Variants in LAT2 observed in about 807,000 individuals in gnomAD.
LAT2 encodes linker for activation of T cells family member 2.
A neutral mutation model predicts 43.4 loss-of-function variants in LAT2; 23 were observed. That is an observed-to-expected ratio of 0.53 (90% CI 0.38 to 0.75). The LOEUF is 0.75. Among genes scored for constraint, LAT2 ranks in the 30% least tolerant of loss-of-function variants. The pLI, the probability that LAT2 is intolerant of heterozygous loss-of-function variation, is 0.00. For missense variants in LAT2, 284 were observed against 310.2 expected, an observed-to-expected ratio of 0.92 and a Z score of 0.64; for synonymous variants, 128 against 123.2, an observed-to-expected ratio of 1.04 and a Z score of -0.26.
intron 13 of LAT2, among the ~76,000 whole-genome samples, chr7:74,228,650 A>G (rs1343428627): frequency 6.9e-6 from 1 of 144,432 alleles, no homozygotes; most frequent in African/African-American, 2.6e-5. Flanking sequence ...AAAAAAAATT[A>G]GCTGGGCGTG....
intron 1 of LAT2, 39 bp from the exon 2 acceptor site, chr7:74,214,783 A>ATG (rs1483395291): frequency 3.5e-5 from 3 of 85,864 alleles, no homozygotes; most frequent in African/African-American, 5.6e-5. Context: ...ATAAATATAT[A>ATG]TATATATATT....
intron 13 of LAT2, chr7:74,226,466 G>A (rs1234474324): frequency 6.6e-6 from 1 of 152,572 alleles, no homozygotes; most frequent in Non-Finnish European, 1.5e-5. Flanking sequence ...ACTCAAGCCT[G>A]GGCAACAGAG....
At chr7:74,228,629 C>CG (rs1802582448) in intron 13 of LAT2, among the ~76,000 whole-genome samples, 1 of 78,070 alleles carries the variant, frequency 1.3e-5, no homozygotes, top group African/African-American at 4.7e-5. Context: ...ACTAAAAATA[C>CG]AAAAAAAAAA....
chr7:74,224,722 G>A lies in LAT2; in HGVS notation c.712G>A (p.Val238Met), dbSNP rs373272699. 1.3e-5 allele frequency: 21 copies of A among 1,601,792 alleles called. No homozygotes were observed. The highest frequency in any genetic ancestry group is 1.8e-5 in the Non-Finnish European group (21 of 1,174,516). Residue 238 changes from valine to methionine, a missense_variant, in exon 13 of 14, where the codon GTG becomes ATG. Physicochemically the swap from Val to Met is conservative, Grantham distance 21. Transcript: ENST00000460943. ...DGEPDYVNGEVAATEA is the reference protein window; with the variant it reads ...DGEPDYVNGEMAATEA ...GGAACCGGATTACGTGAATGGGGAG[G>A]TGGCAGCCACAGAAGCCTAGGGCAG...
intron 10 of LAT2, among the ~76,000 whole-genome samples, chr7:74,222,487 G>T (rs1251256099): frequency 6.6e-6 from 1 of 151,894 alleles, no homozygotes; most frequent in Non-Finnish European, 1.5e-5. Flanking sequence ...CCTGCGGTTT[G>T]AATCCAGCTC....
chr7:74,227,411 G>C (rs1554716273), intron 13 of LAT2, among the ~76,000 whole-genome samples: 3 of 151,912 alleles, frequency 2.0e-5, no homozygotes, highest in African/African-American at 7.3e-5. Context: ...GTAGAGATGG[G>C]GTTTCACCAT....
chr7:74,218,391 A>C (rs1370587658), intron 4 of LAT2, among the ~76,000 whole-genome samples: 5 of 152,176 alleles, frequency 3.3e-5, no homozygotes, highest in Admixed American at 1.3e-4. Context: ...TCTGGTTCAG[A>C]GGAGGAGCCC....
At chr7:74,224,960 T>A (rs1304155180) in intron 13 of LAT2, 200 bp downstream of exon 13, 1 of 453,166 alleles carries the variant, frequency 2.2e-6, no homozygotes, top group African/African-American at 2.0e-5. Context: ...AGGCAGGGAA[T>A]TCTGGTGACT....
chr7:74,226,775 C>G (rs574819600), intron 13 of LAT2, among the ~76,000 whole-genome samples: 24 of 152,266 alleles, frequency 1.6e-4, no homozygotes, highest in African/African-American at 5.8e-4. Context: ...GTGGGCAAGA[C>G]GCAGTGTTGC....
chr7:74,224,145 T>A lies in LAT2; in HGVS notation c.576T>A (p.Asp192Glu). 1 of 1,614,172 alleles carries A rather than the reference T, an allele frequency of 6.2e-7. No homozygotes were observed. The highest frequency in any genetic ancestry group is 8.5e-7 in the Non-Finnish European group (1 of 1,180,012). ...CGGAAGAAGATGAGGAATCTGAGGA[T>A]TATCAGAACTCAGCATCCATCCATC... ...ASPEEDEESE[D>E]YQNSASIHQW... Residue 192 changes from aspartate to glutamate, a missense_variant, in exon 12 of 14, where the codon GAT becomes GAA. Coordinates refer to ENST00000460943, the MANE Select transcript of LAT2 (RefSeq NM_032464.3).
intron 13 of LAT2, chr7:74,225,032 G>A (rs1802436289): frequency 1.4e-5 from 4 of 281,706 alleles, no homozygotes; most frequent in African/African-American, 2.3e-5. Flanking sequence ...TCCTGGCTGC[G>A]ACCTTGGACC....
intron 3 of LAT2, 70 bp downstream of exon 3, chr7:74,216,139 C>T (rs1238590084): frequency 3.8e-6 from 5 of 1,312,184 alleles, no homozygotes; most frequent in African/African-American, 2.9e-5. Context: ...CCTCTCAGGC[C>T]CAGACGTGGC....
chr7:74,228,692 G>A (rs1802585291), intron 13 of LAT2, among the ~76,000 whole-genome samples: 1 of 151,070 alleles, frequency 6.6e-6, no homozygotes, highest in South Asian at 2.1e-4. Flanking sequence ...GGGAGGCTGA[G>A]GCAGGAGAAT....
rs1249577249 is a variant in LAT2, at chr7:74,228,959, G to A, written c.*34G>A. 4 of 152,258 alleles carry A rather than the reference G, an allele frequency of 2.6e-5. No homozygotes were observed. The East Asian group carries it at 7.7e-4, about 29-fold the overall frequency. 9.4% of individuals were successfully genotyped at this position (152,258 alleles called of 1,614,324 possible). Reference sequence around the variant, plus strand: ...TTCATTTAAGGAGCCAAGGCAAAGAGGGACCACTGTGCTCATGGACCCATC... The same window carrying A: ...TTCATTTAAGGAGCCAAGGCAAAGAAGGACCACTGTGCTCATGGACCCATC... On this transcript the variant is annotated 3_prime_UTR_variant, in exon 14 of 14. Coordinates refer to ENST00000460943, the MANE Select transcript of LAT2 (RefSeq NM_032464.3).
At chr7:74,222,994 C>T (rs1802348068) in intron 10 of LAT2, among the ~76,000 whole-genome samples, 1 of 152,226 alleles carries the variant, frequency 6.6e-6, no homozygotes, top group Non-Finnish European at 1.5e-5. Context: ...AGGTGCCATA[C>T]TCAGCCTGGG....
Position 74,224,042 on chromosome 7 carries a change from G to A in LAT2, c.473G>A (p.Gly158Asp). 1 of 1,614,090 alleles carries A rather than the reference G, an allele frequency of 6.2e-7. No individual in the cohort carries two copies. The highest frequency in any genetic ancestry group is 8.5e-7 in the Non-Finnish European group (1 of 1,179,994). Residue 158 changes from glycine (G) to aspartate (D), a missense_variant, in exon 12 of 14, where the codon GGC becomes GAC. Physicochemically the swap from Gly to Asp is moderately conservative, Grantham distance 94. Transcript: ENST00000460943. ...ETGAQQEGIG[G>D]LCRGDLSLSL... The stretch of plus-strand genomic sequence containing the variant: ...GGTGCCCAGCAGGAGGGCATAGGTG[G>A]CCTCTGCAGAGGGGACCTCAGCCTG...
At chr7:74,219,273 C>T (rs2116145637) in intron 4 of LAT2, among the ~76,000 whole-genome samples, 1 of 152,168 alleles carries the variant, frequency 6.6e-6, no homozygotes, top group South Asian at 2.1e-4. Context: ...CTCCCTGGGA[C>T]CAGCAGGTGG....
In LAT2 at chr7:74,224,213, A is replaced by T. The variant is rs782686414; in HGVS notation, c.628+16A>T. The T allele has an allele frequency of 1.9e-6, 3 of 1,610,154 alleles. No homozygotes were observed. The highest frequency in any genetic ancestry group is 1.7e-6 in the Non-Finnish European group (2 of 1,179,710). On this transcript the variant is annotated intron_variant, in intron 12 of 13. Transcript: ENST00000460943. Reference sequence around the variant, plus strand: ...AAGGTCATGGGTAGGTGGCCGGGAGAAGAGGCAGGGTGGTCCACTTAGGGC... The same window carrying T: ...AAGGTCATGGGTAGGTGGCCGGGAGTAGAGGCAGGGTGGTCCACTTAGGGC...
At chr7:74,214,704 TATATAAATATATATAAAA>T (rs1201742840) in intron 1 of LAT2, 100 bp from the exon 2 acceptor site, 4 of 99,926 alleles carry the variant, frequency 4.0e-5, no homozygotes, top group Non-Finnish European at 7.1e-5. Flanking sequence ...TATATAAATA[TATATAAATATATATAAAA>T]ATATAAATAT....
Sources: gnomAD v4.1 joint callset for allele counts (sites outside exome capture counted in the v4.1 genomes callset) on GRCh38, gnomAD v4.1.1 for gene constraint, MANE v1.5 for transcripts, NCBI Gene and HGNC (gene_info 2026-07-23, HGNC 2026-07-21) for gene names.